SMPD3: variants seen among roughly 807,000 people sequenced by gnomAD.
SMPD3 encodes nSMase-2.
SMPD3 carries 21 observed loss-of-function variants against 55.7 expected under a neutral mutation model. The observed-to-expected ratio is 0.38, with a 90% CI of 0.27 to 0.54. The LOEUF is 0.54. SMPD3 is among the 20% of genes least tolerant of loss of function. The pLI, the probability that SMPD3 is intolerant of heterozygous loss-of-function variation, is 0.80. For missense variants in SMPD3, 842 were observed against 899.6 expected (o/e 0.94, Z 0.82); for synonymous variants, 457 against 404.3 (o/e 1.13, Z -1.56).
intron 1 of SMPD3, among the ~76,000 whole-genome samples, chr16:68,431,341 A>C (rs1431381166): frequency 2.6e-5 from 4 of 152,222 alleles, no homozygotes; most frequent in African/African-American, 7.2e-5. Context: ...TAATTTACTT[A>C]AAAATAAAAG....
In SMPD3 at chr16:68,374,442, T is replaced by C. The variant is rs368204398; in HGVS notation, c.-206-2055A>G. 3.7e-4 allele frequency among the ~76,000 whole-genome samples: 57 copies of C among 152,356 alleles called. No homozygotes were observed. The East Asian group carries it at 0.01, about 28-fold the overall frequency. Reference sequence around the variant, plus strand: ...TGCAGTTTGGAGCAGCATGTGTATCTGTGCAGACCACAGCGGGGCAACCTG... The same window carrying C: ...TGCAGTTTGGAGCAGCATGTGTATCCGTGCAGACCACAGCGGGGCAACCTG... On this transcript the variant is annotated intron_variant, in intron 2 of 8. Transcript: ENST00000219334.
intron 1 of SMPD3, among the ~76,000 whole-genome samples, chr16:68,433,808 C>T (rs1008711625): frequency 6.6e-6 from 1 of 151,938 alleles, no homozygotes; most frequent in Non-Finnish European, 1.5e-5. Flanking sequence ...TATATGTTCT[C>T]AAATCTTGGA....
At chr16:68,393,736 T>C (rs2090132078) in intron 1 of SMPD3, among the ~76,000 whole-genome samples, 1 of 152,250 alleles carries the variant, frequency 6.6e-6, no homozygotes, top group Non-Finnish European at 1.5e-5. Context: ...TTTCTTGTTA[T>C]ATAAGATAGC....
Position 68,371,800 on chromosome 16 carries a change from T to C in SMPD3, c.382A>G (p.Thr128Ala). 6.2e-7 allele frequency: 1 copy of C among 1,609,244 alleles called. No homozygotes were observed. The highest frequency in any genetic ancestry group is 8.5e-7 in the Non-Finnish European group (1 of 1,178,192). The change falls in exon 3 of 9, where the codon ACT becomes GCT. Residue 128 changes from threonine (T) to alanine (A), a missense_variant. Physicochemically the swap from Thr to Ala is moderately conservative, Grantham distance 58 (BLOSUM62 0). Coordinates refer to ENST00000219334, the MANE Select transcript of SMPD3 (RefSeq NM_018667.4). ...TCGGGCAGGAGGCAGACGTTGGCAG[T>C]GGCAAAGCAGAAGCTTTTGCCAGGC... Reference protein sequence around the residue: ...TGPGKSFCFATANVCLLPDSL... With the variant: ...TGPGKSFCFAAANVCLLPDSL...
intron 1 of SMPD3, among the ~76,000 whole-genome samples, chr16:68,425,616 G>A (rs1436841595): frequency 6.6e-6 from 1 of 152,234 alleles, no homozygotes; most frequent in Non-Finnish European, 1.5e-5. Context: ...GACAGGGGCA[G>A]GGAGGTGGCA....
chr16:68,439,084 A>G (rs556621026), intron 1 of SMPD3, among the ~76,000 whole-genome samples: 1 of 152,354 alleles, frequency 6.6e-6, no homozygotes, highest in East Asian at 1.9e-4. Flanking sequence ...GCATTTTCAT[A>G]TATGTTGCCA....
At position 68,385,815 on chromosome 16, in the gene SMPD3, C is replaced by T. The variant is rs146388619; in HGVS notation, c.-207+783G>A. 3.1e-4 allele frequency among the ~76,000 whole-genome samples: 47 copies of T among 152,322 alleles called. No homozygotes were observed. In the East Asian group the frequency reaches 8.9e-3, roughly 29 times the overall value. ...AGTAGAATTACTCAGTAAACTTTAA[C>T]GCTTCTGATACATATTGCCAAACTG... is the stretch of plus-strand genomic sequence containing the variant. On this transcript the variant is annotated intron_variant, in intron 2 of 8. Transcript: ENST00000219334.
chr16:68,425,499 C>A (rs2090428678), intron 1 of SMPD3, among the ~76,000 whole-genome samples: 1 of 128,384 alleles, frequency 7.8e-6, no homozygotes, highest in Admixed American at 1.1e-4. Context: ...GAGTGACAGC[C>A]ACAGGAGGCA....
chr16:68,389,189 A>C (rs970026825), intron 1 of SMPD3, among the ~76,000 whole-genome samples: 2 of 152,212 alleles, frequency 1.3e-5, no homozygotes, highest in Non-Finnish European at 2.9e-5. Context: ...GGAGCAGAGC[A>C]GGGAGGGCCT....
intron 5 of SMPD3, among the ~76,000 whole-genome samples, chr16:68,364,221 T>C (rs1389634497): frequency 6.6e-6 from 1 of 152,224 alleles, no homozygotes; most frequent in East Asian, 1.9e-4. Context: ...GTTTCACTGA[T>C]GACGAGCTTG....
chr16:68,364,080 G>GC (rs1223432955), intron 5 of SMPD3, among the ~76,000 whole-genome samples: 1 of 152,140 alleles, frequency 6.6e-6, no homozygotes, highest in Admixed American at 6.5e-5. Context: ...CCCAGCACAC[G>GC]CCCTGATCTT....
At chr16:68,365,494 C>G (rs1458922221) in intron 3 of SMPD3, among the ~76,000 whole-genome samples, 1 of 151,426 alleles carries the variant, frequency 6.6e-6, no homozygotes, top group Admixed American at 6.6e-5. Flanking sequence ...CCTGGTCACA[C>G]CCTGGTGCTT....
chr16:68,422,661 C>G (rs568928262), intron 1 of SMPD3, among the ~76,000 whole-genome samples: 1 of 152,244 alleles, frequency 6.6e-6, no homozygotes, highest in East Asian at 1.9e-4. Flanking sequence ...AGGGAATTTT[C>G]TCCTTAGCCA....
chr16:68,438,327 T>G (rs2090540118), intron 1 of SMPD3, among the ~76,000 whole-genome samples: 1 of 152,106 alleles, frequency 6.6e-6, no homozygotes, highest in Non-Finnish European at 1.5e-5. Context: ...GAAGACCAAA[T>G]GAGAGAAATA....
chr16:68,392,106 G>A (rs1328520621), intron 1 of SMPD3, among the ~76,000 whole-genome samples: 2 of 152,228 alleles, frequency 1.3e-5, no homozygotes, highest in African/African-American at 4.8e-5. Context: ...GGGCCAGGCC[G>A]GCCTCGAAAT....
chr16:68,411,442 C>T (rs1297840193), intron 1 of SMPD3, among the ~76,000 whole-genome samples: 1 of 152,228 alleles, frequency 6.6e-6, no homozygotes, highest in African/African-American at 2.4e-5. Context: ...TGAGCACCTA[C>T]CCATCTTGAT....
At chr16:68,392,604 G>A (rs1163765362) in intron 1 of SMPD3, among the ~76,000 whole-genome samples, 1 of 152,162 alleles carries the variant, frequency 6.6e-6, no homozygotes, top group Non-Finnish European at 1.5e-5. Context: ...GCTCACGCCT[G>A]TAATCCTAGC....
intron 1 of SMPD3, among the ~76,000 whole-genome samples, chr16:68,445,736 GCT>G (rs2090604377): frequency 6.6e-6 from 1 of 152,202 alleles, no homozygotes; most frequent in Non-Finnish European, 1.5e-5. Context: ...TGTAGTACTT[GCT>G]CTTTCTGTTG....
At chr16:68,395,626 T>A (rs2090149113) in intron 1 of SMPD3, among the ~76,000 whole-genome samples, 1 of 152,118 alleles carries the variant, frequency 6.6e-6, no homozygotes, top group South Asian at 2.1e-4. Flanking sequence ...TGGGCCCACT[T>A]AAGGGGTGAC....
Sources: gnomAD v4.1 joint callset for allele counts (sites outside exome capture counted in the v4.1 genomes callset) on GRCh38, gnomAD v4.1.1 for gene constraint, MANE v1.5 for transcripts, NCBI Gene and HGNC (gene_info 2026-07-23, HGNC 2026-07-21) for gene names.